The following NCAM1 variants were observed in gnomAD, a reference collection of about 807,000 sequenced individuals.
The protein encoded by NCAM1 is antigen recognized by monoclonal antibody 5.1H11.
Under a neutral mutation model 109.8 loss-of-function variants are expected in NCAM1, and 14 were observed. That is an observed-to-expected ratio of 0.13 (90% CI 0.08 to 0.20). The LOEUF (loss-of-function observed/expected upper bound fraction) is 0.20. NCAM1 is among the 10% of genes least tolerant of loss of function. The pLI is 1.00. For missense variants in NCAM1, 774 were observed against 1,109.9 expected (o/e 0.70, Z 4.30); for synonymous variants, 418 against 442.9 (o/e 0.94, Z 0.70).
intron 1 of NCAM1, among the ~76,000 whole-genome samples, chr11:112,972,146 A>G (rs1950900661): frequency 6.6e-6 from 1 of 152,186 alleles, no homozygotes; most frequent in South Asian, 2.1e-4. Flanking sequence ...TGAGAGTTGA[A>G]GGAGACTTTG....
At position 113,246,435 on chromosome 11, in the gene NCAM1, T is replaced by C; in HGVS notation, c.1828+65T>C. On this transcript the variant is annotated intron_variant, in intron 15 of 19. Transcript: ENST00000316851. The stretch of plus-strand genomic sequence containing the variant: ...CCACAGCCTGGCACATAGGGCACAC[T>C]CATTTCTTCCTGTCTCAGATTTCCT... The C allele has an allele frequency of 4.2e-6, 3 of 711,010 alleles. No homozygotes were observed. In the South Asian group the frequency reaches 4.4e-5, roughly 10 times the overall value. 44.0% of individuals were successfully genotyped at this position (711,010 alleles called of 1,614,324 possible).
intron 15 of NCAM1, among the ~76,000 whole-genome samples, chr11:113,253,695 G>A (rs1289170781): frequency 1.3e-5 from 2 of 152,206 alleles, no homozygotes; most frequent in Non-Finnish European, 2.9e-5. Flanking sequence ...GGCCTTGGGA[G>A]AAGGACACAG....
chr11:113,092,143 C>G (rs1045279526), intron 1 of NCAM1, among the ~76,000 whole-genome samples: 1 of 152,034 alleles, frequency 6.6e-6, no homozygotes, highest in Non-Finnish European at 1.5e-5. Flanking sequence ...TTGCTGTGGA[C>G]AAGAATAGCT....
At chr11:113,228,560 T>G (rs1370369619) in intron 9 of NCAM1, among the ~76,000 whole-genome samples, 1 of 152,176 alleles carries the variant, frequency 6.6e-6, no homozygotes, top group African/African-American at 2.4e-5. Flanking sequence ...ATGACTTTCT[T>G]CACAGAATTG....
rs1946335899 is a variant in NCAM1, at chr11:113,273,515, A to G, written c.2456+1639A>G. 3.0e-6 allele frequency: 1 copy of G among 338,966 alleles called. No individual in the cohort carries two copies. 21.0% of individuals were successfully genotyped at this position (338,966 alleles called of 1,614,324 possible). On this transcript the variant is annotated intron_variant, in intron 19 of 19. Coordinates refer to ENST00000316851, the MANE Select transcript of NCAM1 (RefSeq NM_181351.5). This position sits in a 1 kb window ranked among gnomAD's most constrained non-coding sequence, Gnocchi z 6.0. ...CGAAGAGCCCGGCCGAGGCAGCCACAGCCCTTGCTAGCCCGAAGAGCGAGG... is the reference window on the plus strand; with the variant it reads ...CGAAGAGCCCGGCCGAGGCAGCCACGGCCCTTGCTAGCCCGAAGAGCGAGG...
chr11:113,041,057 A>G (rs931966876), intron 1 of NCAM1: 1 of 152,236 alleles, frequency 6.6e-6, no homozygotes, highest in South Asian at 2.1e-4. Context: ...TCTAAATTAA[A>G]TTATTTTCAG....
chr11:113,025,149 C>G (rs1317950642), intron 1 of NCAM1, among the ~76,000 whole-genome samples: 1 of 152,054 alleles, frequency 6.6e-6, no homozygotes, highest in African/African-American at 2.4e-5. Context: ...ATTTGCTTAA[C>G]TAACAATAAT....
chr11:113,183,865 TC>T (rs1943406240), intron 1 of NCAM1, among the ~76,000 whole-genome samples: 1 of 152,216 alleles, frequency 6.6e-6, no homozygotes, highest in Non-Finnish European at 1.5e-5. Flanking sequence ...TTTGACTTTC[TC>T]TTGATCGTTT....
chr11:113,237,485 C>T (rs1591446989), intron 14 of NCAM1, among the ~76,000 whole-genome samples: 1 of 152,312 alleles, frequency 6.6e-6, no homozygotes, highest in East Asian at 1.9e-4. Context: ...AACCAGCTCT[C>T]GAAGGCATCA....
Position 113,108,378 on chromosome 11 carries a change from A to G in NCAM1, c.53-94001A>G, listed in dbSNP as rs141633428. On this transcript the variant is annotated intron_variant, in intron 1 of 19. Transcript: ENST00000316851. ...AAATTTTTGAAACTTTGAAAAAGAC[A>G]AGAGATGCCAAATTAGAATGAATAT... is the stretch of plus-strand genomic sequence containing the variant. Among the ~76,000 whole-genome samples the G allele has an allele frequency of 3.0e-3, 456 of 152,318 alleles. 1 individual carries two copies. Among genetic ancestry groups the G allele is most frequent in the African/African-American group, 0.01 (433 of 41,578 alleles).
At chr11:113,253,441 G>A (rs539706653) in intron 15 of NCAM1, among the ~76,000 whole-genome samples, 2 of 151,624 alleles carry the variant, frequency 1.3e-5, no homozygotes, top group South Asian at 2.1e-4. Context: ...TAGTGCAGTG[G>A]CTGTCACTGT....
chr11:113,213,077 A>T (rs1555113870), intron 7 of NCAM1, among the ~76,000 whole-genome samples: 1 of 152,246 alleles, frequency 6.6e-6, no homozygotes, highest in Non-Finnish European at 1.5e-5. Flanking sequence ...ATATAGTTCT[A>T]TTATTGTTTT....
intron 1 of NCAM1, among the ~76,000 whole-genome samples, chr11:113,169,873 C>T (rs56970820): frequency 0.093 from 14,086 of 151,962 alleles, 934 homozygotes; most frequent in East Asian, 0.26. Context: ...GTGATCCTCC[C>T]GCCTCAGCCT....
At chr11:113,031,633 A>G (rs543731678) in intron 1 of NCAM1, among the ~76,000 whole-genome samples, 1 of 152,124 alleles carries the variant, frequency 6.6e-6, no homozygotes, top group South Asian at 2.1e-4. Context: ...TGGAGGTTGC[A>G]GTGAGCTGAG....
intron 3 of NCAM1, 113 bp downstream of exon 3, chr11:113,204,617 C>T (rs1944181027): frequency 8.9e-6 from 9 of 1,012,154 alleles, no homozygotes; most frequent in South Asian, 3.2e-5. Flanking sequence ...CCTAACCAGT[C>T]CCATTCTCTC....
intron 1 of NCAM1, among the ~76,000 whole-genome samples, chr11:113,064,782 T>C (rs1021074628): frequency 3.3e-5 from 5 of 152,242 alleles, no homozygotes; most frequent in Non-Finnish European, 7.3e-5. Flanking sequence ...CATAATTTTC[T>C]TCTGAGGCAC....
intron 1 of NCAM1, among the ~76,000 whole-genome samples, chr11:113,194,046 T>C (rs1943778603): frequency 6.6e-6 from 1 of 152,148 alleles, no homozygotes; most frequent in Non-Finnish European, 1.5e-5. Context: ...GTGTTCTGAT[T>C]TGAAGCCAGC....
chr11:113,137,634 A>G (rs1941648423), intron 1 of NCAM1, among the ~76,000 whole-genome samples: 2 of 152,256 alleles, frequency 1.3e-5, no homozygotes, highest in Admixed American at 1.3e-4. Context: ...CTGTACTTTA[A>G]AAGTTTTAAA....
At chr11:113,115,304 A>T (rs886130862) in intron 1 of NCAM1, among the ~76,000 whole-genome samples, 1 of 152,188 alleles carries the variant, frequency 6.6e-6, no homozygotes, top group Non-Finnish European at 1.5e-5. Context: ...TAATATTACT[A>T]ATGGAAAGAC....
Sources: allele counts gnomAD v4.1 joint callset (sites outside exome capture counted in the v4.1 genomes callset), GRCh38; gene constraint gnomAD v4.1.1; non-coding constraint Gnocchi (gnomAD v3.1); transcripts MANE v1.5; gene names NCBI Gene and HGNC (gene_info 2026-07-23, HGNC 2026-07-21).